Variants in CLIP1 observed in about 807,000 individuals in gnomAD.
The protein encoded by CLIP1 is CAP-Gly domain containing linker protein 1.
CLIP1 carries 66 observed loss-of-function variants against 161.6 expected under a neutral mutation model. That is an observed-to-expected ratio of 0.41 (90% CI 0.33 to 0.50). The LOEUF (loss-of-function observed/expected upper bound fraction) is 0.50, where lower values mean the gene tolerates loss of function less well. CLIP1 is among the 20% of genes least tolerant of loss of function. The pLI, the probability that CLIP1 is intolerant of heterozygous loss-of-function variation, is 0.27. For missense variants in CLIP1, 1,376 were observed against 1,702.0 expected (o/e 0.81, Z 3.37); for synonymous variants, 598 against 626.2 (o/e 0.96, Z 0.67).
intron 6 of CLIP1, 114 bp from the exon 7 acceptor site, chr12:122,354,670 C>A: frequency 2.7e-6 from 2 of 737,532 alleles, no homozygotes; most frequent in East Asian, 2.7e-5. Context: ...ACTCTAAAAC[C>A]TTATGTTAAA....
intron 3 of CLIP1, chr12:122,365,335 A>G (rs1028221610): frequency 8.5e-6 from 8 of 944,784 alleles, no homozygotes; most frequent in Admixed American, 8.5e-5. Flanking sequence ...TACCATGGCA[A>G]AAGTGGAAGT....
At chr12:122,283,704 C>T (rs1164582344) in intron 21 of CLIP1, among the ~76,000 whole-genome samples, 1 of 151,984 alleles carries the variant, frequency 6.6e-6, no homozygotes, top group Non-Finnish European at 1.5e-5. Context: ...GGTGATCCTC[C>T]CAAAGCACTG....
intron 3 of CLIP1, among the ~76,000 whole-genome samples, chr12:122,367,197 CA>C (rs1954215479): frequency 6.6e-6 from 1 of 152,136 alleles, no homozygotes; most frequent in South Asian, 2.1e-4. Context: ...TCATTCAGAT[CA>C]GCTTTGTAAA....
chr12:122,397,501 C>T (rs898980907), intron 1 of CLIP1, among the ~76,000 whole-genome samples: 4 of 122,576 alleles, frequency 3.3e-5, no homozygotes, highest in African/African-American at 1.3e-4. Context: ...TGCAGTGAGC[C>T]AAGATCACAC....
chr12:122,389,557 G>A (rs1270600278), intron 1 of CLIP1, among the ~76,000 whole-genome samples: 16 of 151,904 alleles, frequency 1.1e-4, no homozygotes, highest in South Asian at 2.1e-4. Context: ...TTAGGTGTTC[G>A]AGACCAACCT....
intron 1 of CLIP1, among the ~76,000 whole-genome samples, chr12:122,398,942 CA>C (rs34091651): frequency 6.4e-4 from 68 of 105,774 alleles, no homozygotes; most frequent in African/African-American, 1.2e-3. Context: ...ACCAGATATC[CA>C]AAAAAAAAAA....
rs753278656 is a variant in CLIP1 at position 122,377,489 on chromosome 12, C to A, written c.557G>T (p.Ser186Ile). The A allele has an allele frequency of 6.8e-6, 11 of 1,614,086 alleles. No individual in the cohort carries two copies. The highest frequency in any genetic ancestry group is 2.7e-5 in the African/African-American group (2 of 75,022). The change falls in exon 3 of 26, where the codon AGC becomes ATC. Residue 186 changes from serine to isoleucine, a missense_variant. By Grantham distance (142) the Ser-to-Ile change is moderately radical. Coordinates refer to ENST00000620786, the MANE Select transcript of CLIP1 (RefSeq NM_001247997.2). ...TTCACTGGCAGTTTTTGTAAGGTTG[C>A]TGATCGGAGGCGTAGCTGAAGGTTC... ...AKEPSATPPI[S>I]NLTKTASESI...
At chr12:122,411,998 A>AT (rs1956551301) in intron 1 of CLIP1, among the ~76,000 whole-genome samples, 1 of 146,724 alleles carries the variant, frequency 6.8e-6, no homozygotes, top group African/African-American at 2.5e-5. Flanking sequence ...TAAAGCTGTT[A>AT]TTTTTTAAAA....
chr12:122,397,154 G>T (rs1025475491), intron 1 of CLIP1, among the ~76,000 whole-genome samples: 3 of 151,860 alleles, frequency 2.0e-5, no homozygotes, highest in Admixed American at 6.6e-5. Context: ...CTGAGTTCTA[G>T]CCAGTGGAAT....
At chr12:122,294,321 T>C (rs1392565252) in intron 20 of CLIP1, among the ~76,000 whole-genome samples, 2 of 108,646 alleles carry the variant, frequency 1.8e-5, no homozygotes, top group African/African-American at 3.4e-5. Flanking sequence ...AGTGCAAGAC[T>C]CTGTCTCAAA....
intron 20 of CLIP1, 137 bp downstream of exon 20, chr12:122,309,625 T>G: frequency 5.0e-6 from 5 of 990,902 alleles, no homozygotes; most frequent in Non-Finnish European, 7.5e-6. Flanking sequence ...AGGAGACACA[T>G]AGCACAGGTA....
intron 1 of CLIP1, among the ~76,000 whole-genome samples, chr12:122,408,356 T>C (rs1328404928): frequency 6.6e-6 from 1 of 152,096 alleles, no homozygotes; most frequent in African/African-American, 2.4e-5. Context: ...TTTTTTATTA[T>C]ATATTTTTTT....
At chr12:122,394,315 C>T (rs555324609) in intron 1 of CLIP1, among the ~76,000 whole-genome samples, 5 of 151,516 alleles carry the variant, frequency 3.3e-5, no homozygotes, top group Admixed American at 1.3e-4. Context: ...GGTGAAACCC[C>T]GTCTCTACTA....
In CLIP1 at chr12:122,354,383, A is replaced by G. The variant is rs934614331; in HGVS notation, c.1307+70T>C. On this transcript the variant is annotated intron_variant, in intron 7 of 25. Coordinates refer to ENST00000620786, the MANE Select transcript of CLIP1 (RefSeq NM_001247997.2). ...GCACTGCAGCCTGGGCAACAGAGCT[A>G]GACTCTGTCTCAAAAACAAAAAAAA... 9 of 1,153,902 alleles carry G rather than the reference A, an allele frequency of 7.8e-6. No individual in the cohort carries two copies. The African/African-American group carries it at 1.2e-4, about 16-fold the overall frequency. The allele number at this position is 1,153,902 out of a possible 1,614,324, so 71.5% of individuals were successfully genotyped here.
At chr12:122,380,074 C>T (rs1954942403) in intron 2 of CLIP1, among the ~76,000 whole-genome samples, 1 of 151,758 alleles carries the variant, frequency 6.6e-6, no homozygotes, top group Admixed American at 6.6e-5. Context: ...GAAACCCCAT[C>T]TCTACTAATA....
Position 122,341,616 on chromosome 12 carries a change from G to A in CLIP1, c.1588C>T (p.Arg530Ter). Residue 530 changes from arginine to a stop codon, truncating the protein, a stop_gained, in exon 11 of 26, where the codon CGA becomes TGA. Transcript: ENST00000620786. LOFTEE classifies it high-confidence loss of function. ...ALRVQEVAEL[R>*]RRLESNKPAG... Reference sequence around the variant, plus strand: ...GGCTTATTGGACTCTAGCCTTCTTCGGAGCTCAGCTACTTCCTGTACTCTC... The same window carrying A: ...GGCTTATTGGACTCTAGCCTTCTTCAGAGCTCAGCTACTTCCTGTACTCTC... The A allele has an allele frequency of 1.2e-6, 2 of 1,613,082 alleles. No individual in the cohort carries two copies. The highest frequency in any genetic ancestry group is 1.7e-6 in the Non-Finnish European group (2 of 1,179,978).
chr12:122,315,909 G>A (rs1951247593), intron 19 of CLIP1, among the ~76,000 whole-genome samples: 2 of 151,710 alleles, frequency 1.3e-5, no homozygotes, highest in African/African-American at 2.4e-5. Context: ...CCAAAGTGCT[G>A]GGATTACAGG....
rs781272448 is a variant in CLIP1 at position 122,319,335 on chromosome 12, G to A, written c.3263C>T (p.Ala1088Val). ...TTCCATTATCTGCATGGCATCTTCC[G>A]CTGTTTGAGCAGCCTAAATACAAGG... ...QADKAKAAQT[A>V]EDAMQIMEQM... Residue 1088 changes from alanine (A) to valine (V), a missense_variant, in exon 18 of 26, where the codon GCG (alanine) becomes GTG (valine). Ala to Val is a moderately conservative substitution (Grantham distance 64, BLOSUM62 0). Transcript: ENST00000620786. 1.7e-5 allele frequency: 28 copies of A among 1,613,008 alleles called. No individual in the cohort carries two copies. Among genetic ancestry groups the A allele is most frequent in the Admixed American group, 3.3e-5 (2 of 59,994 alleles).
rs144082931 is a variant in CLIP1, at chr12:122,313,399, C to T, written c.3473+3350G>A. ...TCTCAGCTAAGCTTTTATTAGTCAACGGAATAATTCGAAGGAGGGGGTCAC... is the reference window on the plus strand; with the variant it reads ...TCTCAGCTAAGCTTTTATTAGTCAATGGAATAATTCGAAGGAGGGGGTCAC... On this transcript the variant is annotated intron_variant, in intron 19 of 25. Transcript: ENST00000620786. 4.7e-3 allele frequency among the ~76,000 whole-genome samples: 720 copies of T among 152,156 alleles called. 12 individuals are homozygous for T. The highest frequency in any genetic ancestry group is 5.4e-3 in the Non-Finnish European group (369 of 68,010).
Sources: allele counts gnomAD v4.1 joint callset (sites outside exome capture counted in the v4.1 genomes callset), GRCh38; gene constraint gnomAD v4.1.1; transcripts MANE v1.5; gene names NCBI Gene and HGNC (gene_info 2026-07-23, HGNC 2026-07-21).